MYO3B: variants seen among roughly 807,000 people sequenced by gnomAD.
MYO3B encodes myosin IIIB, also known as myosin-IIIb.
Under a neutral mutation model 174.6 loss-of-function variants are expected in MYO3B, and 156 were observed. The observed-to-expected ratio is 0.89, with a 90% confidence interval of 0.78 to 1.02. The LOEUF (loss-of-function observed/expected upper bound fraction) is 1.02, where lower values mean the gene tolerates loss of function less well. MYO3B is among the 50% of genes least tolerant of loss of function. The probability of loss-of-function intolerance (pLI) is 0.00; values close to 1 mark genes in which losing one functional copy is unlikely to be tolerated. For missense variants in MYO3B, 1,632 were observed against 1,639.4 expected, an observed-to-expected ratio of 1.00 and a Z score of 0.08; for synonymous variants, 563 against 569.1, an observed-to-expected ratio of 0.99 and a Z score of 0.15.
chr2:170,632,007 A>G (rs992220737), intron 32 of MYO3B, among the ~76,000 whole-genome samples: 15 of 152,212 alleles, frequency 9.9e-5, no homozygotes, highest in Non-Finnish European at 1.9e-4. Flanking sequence ...GAGACCCACA[A>G]GGAGACTTAG....
At chr2:170,517,495 G>A (rs139776595) in intron 29 of MYO3B, among the ~76,000 whole-genome samples, 2 of 152,026 alleles carry the variant, frequency 1.3e-5, no homozygotes, top group East Asian at 1.9e-4. Flanking sequence ...TCTTTGGATG[G>A]CTATTGCTCC....
At chr2:170,292,520 T>C (rs2093602580) in intron 7 of MYO3B, among the ~76,000 whole-genome samples, 1 of 152,196 alleles carries the variant, frequency 6.6e-6, no homozygotes, top group Admixed American at 6.5e-5. Context: ...AGCTATTTAT[T>C]CCAGTTTTCT....
chr2:170,236,266 TG>T, intron 7 of MYO3B, 130 bp downstream of exon 7: 4 of 1,207,676 alleles, frequency 3.3e-6, no homozygotes, highest in Non-Finnish European at 4.5e-6. Context: ...ATATTTTCTT[TG>T]AAAAAGCAAG....
At chr2:170,510,804 A>G (rs1408318396) in intron 28 of MYO3B, among the ~76,000 whole-genome samples, 2 of 152,050 alleles carry the variant, frequency 1.3e-5, no homozygotes, top group African/African-American at 4.8e-5. Context: ...TCTTGTCCTT[A>G]TAGTCTTGAC....
At chr2:170,445,758 A>G (rs1264963489) in intron 23 of MYO3B, among the ~76,000 whole-genome samples, 1 of 152,024 alleles carries the variant, frequency 6.6e-6, no homozygotes, top group Non-Finnish European at 1.5e-5. Context: ...CTCAGCCTCC[A>G]GAATAGCTAG....
chr2:170,389,181 T>C (rs2094396022), intron 14 of MYO3B, among the ~76,000 whole-genome samples: 1 of 152,198 alleles, frequency 6.6e-6, no homozygotes, highest in Non-Finnish European at 1.5e-5. Context: ...AAGGCTGTTA[T>C]GAGAATTAAA....
At chr2:170,624,998 G>A (rs964299492) in intron 32 of MYO3B, among the ~76,000 whole-genome samples, 4 of 152,176 alleles carry the variant, frequency 2.6e-5, no homozygotes, top group Non-Finnish European at 5.9e-5. Flanking sequence ...TTGCATCGAT[G>A]TTCATCAGGG....
chr2:170,614,927 C>G (rs534370560), intron 32 of MYO3B, among the ~76,000 whole-genome samples: 1 of 152,162 alleles, frequency 6.6e-6, no homozygotes, highest in African/African-American at 2.4e-5. Context: ...TTCACCTCCC[C>G]CTCCCTCCCT....
chr2:170,328,754 T>G (rs2093888074), intron 7 of MYO3B, among the ~76,000 whole-genome samples: 1 of 151,202 alleles, frequency 6.6e-6, no homozygotes, highest in Non-Finnish European at 1.5e-5. Context: ...GGTATGAAAG[T>G]GATATGGATG....
At chr2:170,313,429 A>G (rs1308219907) in intron 7 of MYO3B, among the ~76,000 whole-genome samples, 1 of 152,186 alleles carries the variant, frequency 6.6e-6, no homozygotes, top group Non-Finnish European at 1.5e-5. Flanking sequence ...TAGAAAAATG[A>G]TTCCAGATGA....
intron 1 of MYO3B, among the ~76,000 whole-genome samples, chr2:170,191,784 A>G (rs190969740): frequency 6.6e-6 from 1 of 152,156 alleles, no homozygotes; most frequent in East Asian, 1.9e-4. Context: ...TGAAGTTAAA[A>G]CCAGATATTG....
chr2:170,512,096 C>T (rs1688025255), intron 28 of MYO3B, among the ~76,000 whole-genome samples: 1 of 152,124 alleles, frequency 6.6e-6, no homozygotes, highest in African/African-American at 2.4e-5. Flanking sequence ...TCTTTGAACT[C>T]AAAGTTTAAC....
intron 7 of MYO3B, among the ~76,000 whole-genome samples, chr2:170,276,487 A>C (rs753226716): frequency 6.6e-6 from 1 of 152,198 alleles, no homozygotes; most frequent in African/African-American, 2.4e-5. Flanking sequence ...TTTATATAGC[A>C]TACAAACCCT....
chr2:170,584,840 G>A (rs1693400013), intron 32 of MYO3B, among the ~76,000 whole-genome samples: 1 of 152,208 alleles, frequency 6.6e-6, no homozygotes, highest in Admixed American at 6.5e-5. Context: ...TAACCCATAG[G>A]AGAAAAATTG....
chr2:170,335,551 T>C (rs2093941738), intron 8 of MYO3B, 101 bp downstream of exon 8: 1 of 876,710 alleles, frequency 1.1e-6, no homozygotes, highest in Admixed American at 2.3e-5. Flanking sequence ...GAGGTTGTTA[T>C]GCCTGTTAGC....
chr2:170,580,593 G>A (rs562510005), intron 32 of MYO3B, among the ~76,000 whole-genome samples: 4 of 152,174 alleles, frequency 2.6e-5, no homozygotes, highest in East Asian at 1.9e-4. Flanking sequence ...AGCTGAGATC[G>A]CACCACTGCA....
intron 7 of MYO3B, among the ~76,000 whole-genome samples, chr2:170,301,221 A>G (rs1166303812): frequency 6.6e-6 from 1 of 152,234 alleles, no homozygotes; most frequent in East Asian, 1.9e-4. Context: ...CTGCTCAACC[A>G]TGTTTTATTT....
intron 22 of MYO3B, among the ~76,000 whole-genome samples, chr2:170,443,005 C>T (rs34324102): frequency 0.39 from 58,802 of 152,036 alleles, 11,435 homozygotes; most frequent in Admixed American, 0.46. Context: ...TATAATCCTT[C>T]AGGTATATGC....
intron 16 of MYO3B, among the ~76,000 whole-genome samples, chr2:170,397,404 A>T (rs2094447699): frequency 6.6e-6 from 1 of 152,168 alleles, no homozygotes; most frequent in Admixed American, 6.5e-5. Flanking sequence ...AAATCAAGTT[A>T]CCTGCCTGAG....
Sources: allele counts gnomAD v4.1 joint callset (sites outside exome capture counted in the v4.1 genomes callset), GRCh38; gene constraint gnomAD v4.1.1; transcripts MANE v1.5; gene names NCBI Gene and HGNC (gene_info 2026-07-23, HGNC 2026-07-21).